CHST11: variants seen among roughly 807,000 people sequenced by gnomAD.
The protein encoded by CHST11 is C4S-1.
CHST11 carries 9 observed loss-of-function variants against 30.4 expected under a neutral mutation model. The observed-to-expected ratio is 0.30, with a 90% CI of 0.18 to 0.52. The LOEUF (loss-of-function observed/expected upper bound fraction) is 0.52, where lower values mean the gene tolerates loss of function less well. Ranked by LOEUF, CHST11 falls within the 20% of genes least tolerant of loss-of-function variation. The probability of loss-of-function intolerance (pLI) is 0.97; values close to 1 mark genes in which losing one functional copy is unlikely to be tolerated. For missense variants in CHST11, 348 were observed against 460.6 expected, an observed-to-expected ratio of 0.76 and a Z score of 2.24; for synonymous variants, 152 against 187.8, an observed-to-expected ratio of 0.81 and a Z score of 1.56.
At chr12:104,543,940 G>A (rs1169636562) in intron 1 of CHST11, among the ~76,000 whole-genome samples, 1 of 151,838 alleles carries the variant, frequency 6.6e-6, no homozygotes, top group Non-Finnish European at 1.5e-5. Flanking sequence ...GGGCAACATA[G>A]CAAGATCCCC....
intron 1 of CHST11, among the ~76,000 whole-genome samples, chr12:104,481,776 C>CTTCT (rs1194602946): frequency 6.8e-6 from 1 of 147,848 alleles, no homozygotes; most frequent in Non-Finnish European, 1.5e-5. Flanking sequence ...TGTTTCCTTC[C>CTTCT]TTCTTTCCTT....
At chr12:104,733,289 T>C (rs541223679) in intron 2 of CHST11, among the ~76,000 whole-genome samples, 1 of 152,308 alleles carries the variant, frequency 6.6e-6, no homozygotes, top group Non-Finnish European at 1.5e-5. Flanking sequence ...GGAAAAGACC[T>C]CAGAGTAGAT....
chr12:104,486,621 A>G (rs1350657875), intron 1 of CHST11, among the ~76,000 whole-genome samples: 1 of 152,206 alleles, frequency 6.6e-6, no homozygotes, highest in Admixed American at 6.5e-5. Context: ...GGAACTTTCC[A>G]GTCAGGCTTC....
At chr12:104,692,210 T>C (rs2039902501) in intron 2 of CHST11, among the ~76,000 whole-genome samples, 1 of 152,178 alleles carries the variant, frequency 6.6e-6, no homozygotes, top group African/African-American at 2.4e-5. Context: ...CGGTCCGCAG[T>C]CCTCAGAGCG....
chr12:104,665,664 C>G (rs17229903), intron 2 of CHST11, among the ~76,000 whole-genome samples: 12,153 of 145,270 alleles, frequency 0.084, 565 homozygotes, highest in Middle Eastern at 0.16. Flanking sequence ...ACTTTTTATG[C>G]CTATTGAAAA....
chr12:104,519,079 T>TGTGC (rs1336331544), intron 1 of CHST11, among the ~76,000 whole-genome samples: 1 of 150,630 alleles, frequency 6.6e-6, no homozygotes, highest in Non-Finnish European at 1.5e-5. Context: ...GAGGTGTGTG[T>TGTGC]GTGTGTGTGT....
chr12:104,559,852 G>A (rs993520579), intron 1 of CHST11, among the ~76,000 whole-genome samples: 1 of 152,242 alleles, frequency 6.6e-6, no homozygotes, highest in African/African-American at 2.4e-5. Flanking sequence ...ATGGAGTGAT[G>A]AAGTGGGAAA....
intron 2 of CHST11, among the ~76,000 whole-genome samples, chr12:104,696,928 A>G (rs1448378637): frequency 6.6e-6 from 1 of 152,214 alleles, no homozygotes; most frequent in Non-Finnish European, 1.5e-5. Flanking sequence ...ATGTGTTTTG[A>G]TGTCCAGCCC....
chr12:104,671,132 G>A (rs558780264), intron 2 of CHST11, among the ~76,000 whole-genome samples: 1 of 152,298 alleles, frequency 6.6e-6, no homozygotes, highest in African/African-American at 2.4e-5. Context: ...TCATTAACAC[G>A]GGGTGGGAGC....
intron 2 of CHST11, among the ~76,000 whole-genome samples, chr12:104,741,708 C>T (rs2136139216): frequency 6.6e-6 from 1 of 152,304 alleles, no homozygotes; most frequent in African/African-American, 2.4e-5. Context: ...GCATTTTGCA[C>T]AGATGACAAA....
Position 104,463,910 on chromosome 12 carries a change from A to G in CHST11, c.118+6381A>G, listed in dbSNP as rs530471807. Among the ~76,000 whole-genome samples, 13 of 152,170 alleles carry G rather than the reference A, an allele frequency of 8.5e-5. No homozygotes were observed. In the East Asian group the frequency reaches 2.5e-3, roughly 29 times the overall value. On this transcript the variant is annotated intron_variant, in intron 1 of 2. Transcript: ENST00000303694. ...CAGCCAACAACCACAGTGGGGAGAG[A>G]CAAGTCGGAGAGAGACAATTGTTTT... is the stretch of plus-strand genomic sequence containing the variant.
chr12:104,596,841 G>C (rs1282415531), intron 1 of CHST11, among the ~76,000 whole-genome samples: 2 of 152,166 alleles, frequency 1.3e-5, no homozygotes, highest in African/African-American at 4.8e-5. Context: ...ACACTGGGCA[G>C]TTCAGGCAAG....
chr12:104,630,915 A>T (rs2039263995), intron 2 of CHST11, among the ~76,000 whole-genome samples: 1 of 152,204 alleles, frequency 6.6e-6, no homozygotes, highest in South Asian at 2.1e-4. Flanking sequence ...CTTTCTTCTG[A>T]AACAGGATCT....
intron 2 of CHST11, among the ~76,000 whole-genome samples, chr12:104,668,734 C>T (rs2039664222): frequency 6.6e-6 from 1 of 152,248 alleles, no homozygotes; most frequent in African/African-American, 2.4e-5. Flanking sequence ...TGGGTCATGG[C>T]GGAAGAGGGA....
At chr12:104,481,153 T>C (rs2037618502) in intron 1 of CHST11, among the ~76,000 whole-genome samples, 1 of 152,208 alleles carries the variant, frequency 6.6e-6, no homozygotes, top group Non-Finnish European at 1.5e-5. Flanking sequence ...TGACTTCTCA[T>C]TGCACCCAGA....
At chr12:104,529,288 G>A (rs2038158195) in intron 1 of CHST11, among the ~76,000 whole-genome samples, 1 of 152,180 alleles carries the variant, frequency 6.6e-6, no homozygotes, top group Non-Finnish European at 1.5e-5. Context: ...TGTGTGACAG[G>A]GAGACATTGT....
At chr12:104,534,791 A>G (rs1476682032) in intron 1 of CHST11, among the ~76,000 whole-genome samples, 3 of 152,160 alleles carry the variant, frequency 2.0e-5, no homozygotes, top group Non-Finnish European at 2.9e-5. Flanking sequence ...TTTTGTTTTG[A>G]TTATTTTCAT....
At chr12:104,612,717 G>C (rs934413076) in intron 2 of CHST11, among the ~76,000 whole-genome samples, 37 of 152,174 alleles carry the variant, frequency 2.4e-4, no homozygotes, top group African/African-American at 8.0e-4. Context: ...ATGGAGAAGA[G>C]GGAACTCCTG....
chr12:104,571,934 A>G (rs1285867759), intron 1 of CHST11, among the ~76,000 whole-genome samples: 1 of 152,188 alleles, frequency 6.6e-6, no homozygotes, highest in African/African-American at 2.4e-5. Context: ...GGGTTGTTGA[A>G]TTTTGTCAAA....
Sources: gnomAD v4.1 joint callset for allele counts (sites outside exome capture counted in the v4.1 genomes callset) on GRCh38, gnomAD v4.1.1 for gene constraint, MANE v1.5 for transcripts, NCBI Gene and HGNC (gene_info 2026-07-23, HGNC 2026-07-21) for gene names.